Variants in RNF144B observed in about 807,000 individuals in gnomAD.
RNF144B encodes ring finger protein 144B, also known as E3 ubiquitin-protein ligase RNF144B.
In RNF144B, 25 loss-of-function variants were observed where a neutral mutation model predicts 40.2. That is an observed-to-expected ratio of 0.62 (90% CI 0.45 to 0.87). RNF144B has a LOEUF of 0.87. Among genes scored for constraint, RNF144B ranks in the 40% least tolerant of loss-of-function variants. RNF144B has a pLI of 0.00. For synonymous variants in RNF144B, 145 were observed against 136.3 expected (o/e 1.06, Z -0.44); for missense variants, 365 against 373.7 (o/e 0.98, Z 0.19).
chr6:18,448,516 G>A lies in RNF144B; in HGVS notation c.332-8639G>A, dbSNP rs557397749. Among the ~76,000 whole-genome samples, 1 of 152,150 alleles carries A rather than the reference G, an allele frequency of 6.6e-6. No individual in the cohort carries two copies. Among genetic ancestry groups the A allele is most frequent in the African/African-American group, 2.4e-5 (1 of 41,484 alleles). On this transcript the variant is annotated intron_variant, in intron 4 of 7. Coordinates refer to ENST00000259939, the MANE Select transcript of RNF144B (RefSeq NM_182757.4). The surrounding 1 kb of genome is among the most constrained non-coding windows in gnomAD (Gnocchi z 4.0). ...GAGCTTTATGTAATATGAAAGTATA[G>A]CGAACCTAGCAATATTGAACGTGAA...
chr6:18,430,657 A>ATTT (rs59026530), intron 3 of RNF144B, among the ~76,000 whole-genome samples: 18 of 148,116 alleles, frequency 1.2e-4, no homozygotes, highest in Non-Finnish European at 6.0e-5. Context: ...CTAATTTTTA[A>ATTT]TTTTTTTTTT....
At chr6:18,461,656 C>G (rs1179760433) in intron 6 of RNF144B, among the ~76,000 whole-genome samples, 2 of 152,182 alleles carry the variant, frequency 1.3e-5, no homozygotes, top group Admixed American at 6.5e-5. Context: ...ACACAGACTT[C>G]AAATATTGAA....
At position 18,460,922 on chromosome 6, in the gene RNF144B, T is replaced by C. The variant is rs986338127; in HGVS notation, c.681+1171T>C. Among the ~76,000 whole-genome samples, 1 of 152,230 alleles carries C rather than the reference T, an allele frequency of 6.6e-6. No homozygotes were observed. Among genetic ancestry groups the C allele is most frequent in the Non-Finnish European group, 1.5e-5 (1 of 68,032 alleles). ...TTTGGCAATTTGGACCTCTAAAATA[T>C]GTCCATATCAGCGTAAGCCCTCAGT... On this transcript the variant is annotated intron_variant, in intron 6 of 7. Transcript: ENST00000259939. The surrounding 1 kb of genome is among the most constrained non-coding windows in gnomAD (Gnocchi z 4.4).
rs1238612587 is a variant in RNF144B, at chr6:18,458,767, G to A, written c.537-840G>A. ...GGGATAAGAAGTGTTTCAGATCTCA[G>A]TGTTTTCAGATTTTGAAATATTTTC... On this transcript the variant is annotated intron_variant, in intron 5 of 7. Transcript: ENST00000259939. This position sits in a 1 kb window ranked among gnomAD's most constrained non-coding sequence, Gnocchi z 4.8. Among the ~76,000 whole-genome samples the A allele has an allele frequency of 6.6e-6, 1 of 152,204 alleles. No homozygotes were observed. Among genetic ancestry groups the A allele is most frequent in the Non-Finnish European group, 1.5e-5 (1 of 68,034 alleles).
chr6:18,390,078 A>G (rs1248659091), intron 1 of RNF144B, among the ~76,000 whole-genome samples: 1 of 152,208 alleles, frequency 6.6e-6, no homozygotes, highest in Non-Finnish European at 1.5e-5. Context: ...TGTCCGGAAG[A>G]AATTCTCATA....
rs143655284 is a variant in RNF144B, at chr6:18,405,266, C to T, written c.165+5567C>T. ...TCGGCTCACTGTAACTTCCGCCTCCCGGGTTCAAGTGGTTCTCCTGCCTCA... is the reference window on the plus strand; with the variant it reads ...TCGGCTCACTGTAACTTCCGCCTCCTGGGTTCAAGTGGTTCTCCTGCCTCA... On this transcript the variant is annotated intron_variant, in intron 2 of 7. Coordinates refer to ENST00000259939, the MANE Select transcript of RNF144B (RefSeq NM_182757.4). This position sits in a 1 kb window ranked among gnomAD's most constrained non-coding sequence, Gnocchi z 4.5. Among the ~76,000 whole-genome samples the T allele has an allele frequency of 5.3e-5, 8 of 151,928 alleles. No homozygotes were observed. The East Asian group carries it at 1.2e-3, about 22-fold the overall frequency.
intron 3 of RNF144B, among the ~76,000 whole-genome samples, chr6:18,437,484 C>G (rs570636457): frequency 6.6e-6 from 1 of 152,166 alleles, no homozygotes; most frequent in East Asian, 1.9e-4. Flanking sequence ...ATGAGGGGAA[C>G]TAGGGAAGAG....
rs1411374164 is a variant in RNF144B at position 18,446,123 on chromosome 6, G to A, written c.331+6379G>A. Reference sequence around the variant, plus strand: ...TTTAGCTTGGGTTCTGTGTAGTCCTGTTAGATGCCAGGGCTGCTGATGTCT... The same window carrying A: ...TTTAGCTTGGGTTCTGTGTAGTCCTATTAGATGCCAGGGCTGCTGATGTCT... On this transcript the variant is annotated intron_variant, in intron 4 of 7. Transcript: ENST00000259939. This position sits in a 1 kb window ranked among gnomAD's most constrained non-coding sequence, Gnocchi z 4.7. Among the ~76,000 whole-genome samples the A allele has an allele frequency of 3.3e-5, 5 of 152,178 alleles. No homozygotes were observed. Among genetic ancestry groups the A allele is most frequent in the African/African-American group, 1.2e-4 (5 of 41,436 alleles).
rs1794788360 is a variant in RNF144B, at chr6:18,400,758, C to T, written c.165+1059C>T. Among the ~76,000 whole-genome samples, 1 of 152,178 alleles carries T rather than the reference C, an allele frequency of 6.6e-6. No individual in the cohort carries two copies. Among genetic ancestry groups the T allele is most frequent in the African/African-American group, 2.4e-5 (1 of 41,444 alleles). ...GATTTATCAGTTAAGGAAACAAAACCCAGCGAAGTTTCTTGCTTTTAGGAG... is the reference window on the plus strand; with the variant it reads ...GATTTATCAGTTAAGGAAACAAAACTCAGCGAAGTTTCTTGCTTTTAGGAG... On this transcript the variant is annotated intron_variant, in intron 2 of 7. Transcript: ENST00000259939. The surrounding 1 kb of genome is among the most constrained non-coding windows in gnomAD (Gnocchi z 5.6).
intron 3 of RNF144B, among the ~76,000 whole-genome samples, chr6:18,428,470 T>C (rs575540507): frequency 2.8e-4 from 43 of 151,930 alleles, no homozygotes; most frequent in African/African-American, 1.0e-3. Flanking sequence ...AATTGATCTG[T>C]AGCAGGCATC....
At chr6:18,453,392 C>T (rs945762180) in intron 4 of RNF144B, among the ~76,000 whole-genome samples, 6 of 152,226 alleles carry the variant, frequency 3.9e-5, no homozygotes, top group Admixed American at 2.0e-4. Flanking sequence ...CCCGCCTCAG[C>T]CTCCCAAAGT....
At position 18,458,717 on chromosome 6, in the gene RNF144B, T is replaced by G. The variant is rs1234918751; in HGVS notation, c.537-890T>G. 6.6e-6 allele frequency among the ~76,000 whole-genome samples: 1 copy of G among 152,206 alleles called. No individual in the cohort carries two copies. The highest frequency in any genetic ancestry group is 1.5e-5 in the Non-Finnish European group (1 of 68,032). On this transcript the variant is annotated intron_variant, in intron 5 of 7. Coordinates refer to ENST00000259939, the MANE Select transcript of RNF144B (RefSeq NM_182757.4). The surrounding 1 kb of genome is among the most constrained non-coding windows in gnomAD (Gnocchi z 4.8). ...AAAATAAGGGAATTAAGATACAAGT[T>G]GAGCATCCCTTATCCAAAATACTTG...
At chr6:18,440,854 C>T (rs1758946913) in intron 4 of RNF144B, among the ~76,000 whole-genome samples, 2 of 144,680 alleles carry the variant, frequency 1.4e-5, no homozygotes, top group South Asian at 4.4e-4. Flanking sequence ...GGGTGGATTA[C>T]TTAACTCATA....
intron 4 of RNF144B, among the ~76,000 whole-genome samples, chr6:18,445,042 A>G (rs977372964): frequency 6.6e-5 from 10 of 151,968 alleles, no homozygotes; most frequent in African/African-American, 2.2e-4. Flanking sequence ...CCCTCTTTGT[A>G]GACTGTGTGA....
At chr6:18,424,959 AG>A (rs1451920477) in intron 2 of RNF144B, among the ~76,000 whole-genome samples, 1 of 152,228 alleles carries the variant, frequency 6.6e-6, no homozygotes, top group East Asian at 1.9e-4. Flanking sequence ...GTCTAAGACC[AG>A]GAGAAGAGGA....
intron 4 of RNF144B, among the ~76,000 whole-genome samples, chr6:18,452,111 G>T (rs1032894651): frequency 3.4e-4 from 51 of 152,208 alleles, no homozygotes; most frequent in Admixed American, 8.5e-4. Flanking sequence ...GGCAATTCAA[G>T]ATGGTATTAT....
rs1329570618 is a variant in RNF144B at position 18,457,174 on chromosome 6, C to T, written c.351C>T (p.Tyr117=). ...KFEREVHLDP[Y]RTWCPVADCQ... is the part of the protein sequence containing the mutation. ...CTTTAGAAGTTCATCTGGACCCCTA[C>T]CGAACATGGTGTCCTGTTGCAGACT... Residue 117 remains tyrosine (Y), a synonymous_variant, in exon 5 of 8, where the codon TAC becomes TAT. Transcript: ENST00000259939. The surrounding 1 kb of genome is among the most constrained non-coding windows in gnomAD (Gnocchi z 5.1). 1.9e-6 allele frequency: 3 copies of T among 1,613,456 alleles called. No homozygotes were observed. The highest frequency in any genetic ancestry group is 2.2e-5 in the South Asian group (2 of 91,074).
rs1759006896 is a variant in RNF144B, at chr6:18,443,299, G to A, written c.331+3555G>A. On this transcript the variant is annotated intron_variant, in intron 4 of 7. Coordinates refer to ENST00000259939, the MANE Select transcript of RNF144B (RefSeq NM_182757.4). The surrounding 1 kb of genome is among the most constrained non-coding windows in gnomAD (Gnocchi z 4.7). ...TTTTTTTGAGATGGAGTCTCATTCT[G>A]TTGCCCAGGCTGGATTGCAGTGGCA... Among the ~76,000 whole-genome samples, 1 of 152,006 alleles carries A rather than the reference G, an allele frequency of 6.6e-6. No individual in the cohort carries two copies. The highest frequency in any genetic ancestry group is 1.5e-5 in the Non-Finnish European group (1 of 67,994).
rs1758964900 is a variant in RNF144B, at chr6:18,441,502, G to A, written c.331+1758G>A. ...TGTTACTTCCCTGGCTAACTTCACT[G>A]CCCCATATGTCAGCAACAGGCCTTG... is the stretch of plus-strand genomic sequence containing the variant. On this transcript the variant is annotated intron_variant, in intron 4 of 7. Coordinates refer to ENST00000259939, the MANE Select transcript of RNF144B (RefSeq NM_182757.4). The surrounding 1 kb of genome is among the most constrained non-coding windows in gnomAD (Gnocchi z 4.9). Among the ~76,000 whole-genome samples, 1 of 152,228 alleles carries A rather than the reference G, an allele frequency of 6.6e-6. No homozygotes were observed. Among genetic ancestry groups the A allele is most frequent in the East Asian group, 1.9e-4 (1 of 5,186 alleles).
Sources: allele counts gnomAD v4.1 joint callset (sites outside exome capture counted in the v4.1 genomes callset), GRCh38; gene constraint gnomAD v4.1.1; non-coding constraint Gnocchi (gnomAD v3.1); transcripts MANE v1.5; gene names NCBI Gene and HGNC (gene_info 2026-07-23, HGNC 2026-07-21).